Variants in SH3PXD2A observed in about 807,000 individuals in gnomAD.
The protein encoded by SH3PXD2A is SH3 and PX domain-containing protein 2A.
SH3PXD2A carries 32 observed loss-of-function variants against 115.2 expected under a neutral mutation model. The observed-to-expected ratio is 0.28, with a 90% CI of 0.21 to 0.37. The LOEUF is 0.37. Ranked by LOEUF, SH3PXD2A falls within the 10% of genes least tolerant of loss-of-function variation. The probability of loss-of-function intolerance (pLI) is 1.00; values close to 1 mark genes in which losing one functional copy is unlikely to be tolerated. For synonymous variants in SH3PXD2A, 610 were observed against 629.1 expected, an observed-to-expected ratio of 0.97 and a Z score of 0.45; for missense variants, 1,328 against 1,498.7, an observed-to-expected ratio of 0.89 and a Z score of 1.88.
intron 2 of SH3PXD2A, among the ~76,000 whole-genome samples, chr10:103,791,773 C>G (rs1044619295): frequency 6.6e-6 from 1 of 151,944 alleles, no homozygotes; most frequent in Non-Finnish European, 1.5e-5. Flanking sequence ...GGAAACTGCA[C>G]GAGAAGTTGC....
intron 1 of SH3PXD2A, among the ~76,000 whole-genome samples, chr10:103,809,622 G>GCC: frequency 6.6e-6 from 1 of 152,012 alleles, no homozygotes; most frequent in Non-Finnish European, 1.5e-5. Flanking sequence ...GCCTGCCTTT[G>GCC]TTTGCAGGAA....
chr10:103,650,745 G>GTGCCATCCTTCTA (rs2037107104), intron 8 of SH3PXD2A, among the ~76,000 whole-genome samples: 1 of 152,076 alleles, frequency 6.6e-6, no homozygotes, highest in Non-Finnish European at 1.5e-5. Flanking sequence ...AGAGCAGATT[G>GTGCCATCCTTCTA]AGTCCTAGCT....
At chr10:103,693,759 G>A (rs1279787040) in intron 5 of SH3PXD2A, 1 of 152,302 alleles carries the variant, frequency 6.6e-6, no homozygotes, top group Non-Finnish European at 1.5e-5. Context: ...TACAGCTGGG[G>A]AGTCGGGGTG....
intron 2 of SH3PXD2A, among the ~76,000 whole-genome samples, chr10:103,768,383 G>A (rs1336265710): frequency 6.6e-6 from 1 of 152,238 alleles, no homozygotes; most frequent in South Asian, 2.1e-4. Context: ...AGCAAGCTAC[G>A]CTGGAGAGGG....
At chr10:103,770,408 T>C (rs1341058671) in intron 2 of SH3PXD2A, among the ~76,000 whole-genome samples, 1 of 152,164 alleles carries the variant, frequency 6.6e-6, no homozygotes, top group African/African-American at 2.4e-5. Context: ...GATCTCACTG[T>C]GAGGCTAGTC....
At chr10:103,801,197 G>T in intron 2 of SH3PXD2A, 85 bp downstream of exon 2, 2 of 807,314 alleles carry the variant, frequency 2.5e-6, no homozygotes, top group Non-Finnish European at 4.3e-6. Flanking sequence ...CAGCTCTCTT[G>T]GGGGCTCCCT....
intron 5 of SH3PXD2A, among the ~76,000 whole-genome samples, chr10:103,719,966 C>T (rs1211056691): frequency 2.0e-5 from 3 of 152,162 alleles, no homozygotes; most frequent in East Asian, 1.9e-4. Flanking sequence ...GTGATCCACC[C>T]GCCTTGGGCT....
At chr10:103,707,540 G>A (rs2037996403) in intron 5 of SH3PXD2A, among the ~76,000 whole-genome samples, 1 of 151,908 alleles carries the variant, frequency 6.6e-6, no homozygotes, top group South Asian at 2.1e-4. Flanking sequence ...TAGAGACAGG[G>A]TCTTGCTATG....
At chr10:103,807,134 C>G (rs1435938778) in intron 1 of SH3PXD2A, among the ~76,000 whole-genome samples, 5 of 152,196 alleles carry the variant, frequency 3.3e-5, no homozygotes, top group African/African-American at 1.2e-4. Context: ...AGCGCAGCTC[C>G]AGAGCACTGA....
At chr10:103,729,921 A>G (rs2038294015) in intron 4 of SH3PXD2A, among the ~76,000 whole-genome samples, 1 of 152,152 alleles carries the variant, frequency 6.6e-6, no homozygotes, top group African/African-American at 2.4e-5. Context: ...GAGTGTCATC[A>G]TGGCCAATGA....
Position 103,727,926 on chromosome 10 carries a change from A to T in SH3PXD2A, c.307-3565T>A, listed in dbSNP as rs138611350. On this transcript the variant is annotated intron_variant, in intron 4 of 14. Transcript: ENST00000369774. The stretch of plus-strand genomic sequence containing the variant: ...TTGGCAGGAGAGAGTGATGCTGAGC[A>T]GTGAGTCCCCGCAGCCTGGGCTGGT... Among the ~76,000 whole-genome samples the T allele has an allele frequency of 6.5e-3, 993 of 152,362 alleles. 13 individuals are homozygous for T. The highest frequency in any genetic ancestry group is 0.023 in the African/African-American group (952 of 41,592).
In SH3PXD2A at chr10:103,602,580, C is replaced by T. The variant is rs371163946; in HGVS notation, c.2638G>A (p.Val880Met). Reference sequence around the variant, plus strand: ...CAGCCCTCCAGCTCCCCAAACCTCACATACCACCACCCGCTCTCCTGCTTC... The same window carrying T: ...CAGCCCTCCAGCTCCCCAAACCTCATATACCACCACCCGCTCTCCTGCTTC... ...LEKQESGWWYVRFGELEGWAP... is the reference protein window; with the variant it reads ...LEKQESGWWYMRFGELEGWAP... The change falls in exon 15 of 15, where the codon GTG (valine) becomes ATG (methionine). Residue 880 changes from valine (V) to methionine (M), a missense_variant. By Grantham distance (21) the Val-to-Met change is conservative. Transcript: ENST00000369774. 3 of 1,614,104 alleles carry T rather than the reference C, an allele frequency of 1.9e-6. No individual in the cohort carries two copies. Among genetic ancestry groups the T allele is most frequent in the Non-Finnish European group, 2.5e-6 (3 of 1,180,054 alleles).
At chr10:103,631,807 C>T (rs558789670) in intron 8 of SH3PXD2A, among the ~76,000 whole-genome samples, 9 of 152,192 alleles carry the variant, frequency 5.9e-5, no homozygotes, top group Admixed American at 2.6e-4. Flanking sequence ...CACATGGCTT[C>T]GCAGGTGCAG....
rs966742352 is a variant in SH3PXD2A at position 103,595,995 on chromosome 10, C to T, written c.*5821G>A. 9.2e-5 allele frequency: 14 copies of T among 152,512 alleles called. No homozygotes were observed. The highest frequency in any genetic ancestry group is 3.9e-4 in the East Asian group (2 of 5,188). 9.4% of individuals were successfully genotyped at this position (152,512 alleles called of 1,614,324 possible). ...GAACCACAGAGACATGAGACTGCAC[C>T]AAACAGGGCTGATGATTTAGCCAGA... On this transcript the variant is annotated 3_prime_UTR_variant, in exon 15 of 15. Transcript: ENST00000369774.
chr10:103,738,045 G>A (rs897757300), intron 3 of SH3PXD2A, among the ~76,000 whole-genome samples: 1 of 152,192 alleles, frequency 6.6e-6, no homozygotes, highest in Non-Finnish European at 1.5e-5. Context: ...ATGAGTGCTT[G>A]CTGGGTCATT....
chr10:103,845,740 G>T (rs1842841604), intron 1 of SH3PXD2A, among the ~76,000 whole-genome samples: 1 of 152,174 alleles, frequency 6.6e-6, no homozygotes, highest in Non-Finnish European at 1.5e-5. Context: ...CTCTCTGGGG[G>T]TCTGGATCGG....
intron 5 of SH3PXD2A, 116 bp downstream of exon 5, chr10:103,724,154 C>A (rs1048756163): frequency 6.2e-6 from 3 of 483,062 alleles, no homozygotes; most frequent in African/African-American, 6.1e-5. Context: ...TTTAGCCCGG[C>A]TGGCCCTGCT....
intron 1 of SH3PXD2A, among the ~76,000 whole-genome samples, chr10:103,830,004 C>T (rs1242702756): frequency 6.6e-6 from 1 of 152,224 alleles, no homozygotes; most frequent in African/African-American, 2.4e-5. Flanking sequence ...AGCTCCACCC[C>T]CACCCCAGGT....
chr10:103,798,368 G>A (rs1026139938), intron 2 of SH3PXD2A, among the ~76,000 whole-genome samples: 5 of 152,120 alleles, frequency 3.3e-5, no homozygotes, highest in African/African-American at 1.2e-4. Flanking sequence ...GGAGTGCAGT[G>A]GTGCAATCAT....
Sources: allele counts gnomAD v4.1 joint callset (sites outside exome capture counted in the v4.1 genomes callset), GRCh38; gene constraint gnomAD v4.1.1; transcripts MANE v1.5; gene names NCBI Gene and HGNC (gene_info 2026-07-23, HGNC 2026-07-21).